Variants in SZT2 observed in about 807,000 individuals in gnomAD.
SZT2 encodes the protein SZT2 subunit of KICSTOR complex.
In SZT2, 216 loss-of-function variants were observed where a neutral mutation model predicts 404.2. That is an observed-to-expected ratio of 0.53 (90% confidence interval 0.48 to 0.60). The LOEUF is 0.60. Ranked by LOEUF, SZT2 falls within the 20% of genes least tolerant of loss-of-function variation. SZT2 has a pLI of 0.00. For missense variants in SZT2, 3,857 were observed against 4,459.2 expected (o/e 0.86, Z 3.85); for synonymous variants, 1,693 against 1,749.9 (o/e 0.97, Z 0.81).
At chr1:43,413,243 C>T (rs1290544442) in intron 4 of SZT2, among the ~76,000 whole-genome samples, 2 of 152,062 alleles carry the variant, frequency 1.3e-5, no homozygotes, top group African/African-American at 4.8e-5. Flanking sequence ...ATTAGCTGAG[C>T]GTGATGGCAG....
In SZT2 at chr1:43,442,789, A is replaced by G. The variant is rs371372227; in HGVS notation, c.8152-30A>G. 7.0e-6 allele frequency: 11 copies of G among 1,575,370 alleles called. No homozygotes were observed. Among genetic ancestry groups the G allele is most frequent in the African/African-American group, 2.7e-5 (2 of 74,366 alleles). On this transcript the variant is annotated intron_variant, in intron 58 of 71. Coordinates refer to ENST00000634258, the MANE Select transcript of SZT2 (RefSeq NM_001365999.1). The surrounding 1 kb of genome is among the most constrained non-coding windows in gnomAD (Gnocchi z 4.5). ...GAGAGAGGGTCCGAGGGCAAAGGCT[A>G]TGAACCCATTGCAATGCTCCATCTC...
chr1:43,439,743 G>A lies in SZT2; in HGVS notation c.7016G>A (p.Cys2339Tyr), dbSNP rs1414663562. 4 of 1,604,126 alleles carry A rather than the reference G, an allele frequency of 2.5e-6. No homozygotes were observed. The highest frequency in any genetic ancestry group is 3.4e-6 in the Non-Finnish European group (4 of 1,174,186). Residue 2339 changes from cysteine to tyrosine, a missense_variant, in exon 50 of 72, where the codon TGC becomes TAC. Physicochemically the swap from Cys to Tyr is radical, Grantham distance 194. Coordinates refer to ENST00000634258, the MANE Select transcript of SZT2 (RefSeq NM_001365999.1). This position sits in a 1 kb window ranked among gnomAD's most constrained non-coding sequence, Gnocchi z 4.2. ...GAGCAACTGACCCAGGTCATCCGCT[G>A]CCCGGTTGTTGTGGACAGTTCTTCA... Reference protein sequence around the residue: ...EFEQLTQVIRCPVVVDSSSAQ... With the variant: ...EFEQLTQVIRYPVVVDSSSAQ...
intron 70 of SZT2, chr1:43,449,101 C>T (rs1245498545): frequency 4.6e-6 from 1 of 217,778 alleles, no homozygotes; most frequent in Non-Finnish European, 9.2e-6. Flanking sequence ...GCCGCAGCAC[C>T]TGGGAGCTTG....
chr1:43,393,236 C>G (rs894908493), intron 1 of SZT2, among the ~76,000 whole-genome samples: 10 of 152,134 alleles, frequency 6.6e-5, no homozygotes, highest in Non-Finnish European at 1.3e-4. Context: ...CCCAGTGGAG[C>G]CTTCAGAGAA....
chr1:43,439,667 T>C lies in SZT2; in HGVS notation c.6940T>C (p.Trp2314Arg), dbSNP rs1000003861. 1 of 1,613,280 alleles carries C rather than the reference T, an allele frequency of 6.2e-7. No homozygotes were observed. Among genetic ancestry groups the C allele is most frequent in the African/African-American group, 1.3e-5 (1 of 74,898 alleles). Residue 2314 changes from tryptophan to arginine, a missense_variant, in exon 50 of 72, where the codon TGG (tryptophan) becomes CGG (arginine). Trp to Arg is a moderately radical substitution (Grantham distance 101, BLOSUM62 -3). Coordinates refer to ENST00000634258, the MANE Select transcript of SZT2 (RefSeq NM_001365999.1). The surrounding 1 kb of genome is among the most constrained non-coding windows in gnomAD (Gnocchi z 4.2). Reference protein sequence around the residue: ...EGGAPLSLALWPPSSPGPPDP... With the variant: ...EGGAPLSLALRPPSSPGPPDP... ...AGGGGCCCCCTTGTCACTGGCGTTG[T>C]GGCCCCCCTCCTCTCCGGGGCCCCC...
chr1:43,428,262 A>G lies in SZT2; in HGVS notation c.3942A>G (p.Gln1314=), dbSNP rs1233058301. 5.6e-6 allele frequency: 9 copies of G among 1,614,120 alleles called. No individual in the cohort carries two copies. Among genetic ancestry groups the G allele is most frequent in the Admixed American group, 1.7e-5 (1 of 60,012 alleles). ...CAGGGCTATTCCGCAGCTTGCAGCA[A>G]GCACAGAGTGTGACCTCCCAGGATT... ...YVRGLFRSLQ[Q]AQSVTSQDLL... is the part of the protein sequence containing the mutation. The change falls in exon 28 of 72, where the codon CAA becomes CAG. Residue 1314 remains glutamine (Q), a synonymous_variant. Coordinates refer to ENST00000634258, the MANE Select transcript of SZT2 (RefSeq NM_001365999.1).
Position 43,437,533 on chromosome 1 carries a change from A to G in SZT2, c.6290+25A>G. 6.2e-7 allele frequency: 1 copy of G among 1,614,102 alleles called. No homozygotes were observed. On this transcript the variant is annotated intron_variant, in intron 44 of 71. Transcript: ENST00000634258. The surrounding 1 kb of genome is among the most constrained non-coding windows in gnomAD (Gnocchi z 5.3). ...GGTATGTGGCCCTTGGAAGGTGGGT[A>G]GGGCATGAATTAAGGATGGCCTGGG...
Position 43,452,815 on chromosome 1 carries a change from G to A in SZT2, c.*2335G>A, listed in dbSNP as rs1193578315. ...ATTTGAATCAGCCCCACTTTGAGCC[G>A]TCCACCTCCTCCCATCATCCCCTGA... On this transcript the variant is annotated 3_prime_UTR_variant, in exon 72 of 72. Coordinates refer to ENST00000634258, the MANE Select transcript of SZT2 (RefSeq NM_001365999.1). 31 of 1,398,322 alleles carry A rather than the reference G, an allele frequency of 2.2e-5. No homozygotes were observed. The East Asian group carries it at 4.5e-4, about 20-fold the overall frequency. The allele number at this position is 1,398,322 out of a possible 1,614,324, so 86.6% of individuals were successfully genotyped here. A position where few individuals can be genotyped will look rare whatever the true frequency, so the allele number is the denominator to read the frequency against.
At position 43,394,038 on chromosome 1, in the gene SZT2, G is replaced by C. The variant is rs972117932; in HGVS notation, c.27+4043G>C. 1.4e-5 allele frequency: 14 copies of C among 981,172 alleles called. No homozygotes were observed. In the African/African-American group the frequency reaches 1.9e-4, roughly 13 times the overall value. 60.8% of individuals were successfully genotyped at this position (981,172 alleles called of 1,614,324 possible). On this transcript the variant is annotated intron_variant, in intron 1 of 71. Coordinates refer to ENST00000634258, the MANE Select transcript of SZT2 (RefSeq NM_001365999.1). ...AAACTCTACTTTGTCTTCCTTGCCA[G>C]ACTACTCTGAGAGTAATGAACTTCA... is the stretch of plus-strand genomic sequence containing the variant.
At position 43,425,868 on chromosome 1, in the gene SZT2, A is replaced by G; in HGVS notation, c.2848A>G (p.Met950Val). 6.2e-7 allele frequency: 1 copy of G among 1,614,100 alleles called. No homozygotes were observed. Among genetic ancestry groups the G allele is most frequent in the East Asian group, 2.2e-5 (1 of 44,866 alleles). ...HPRDAACIGSMLSFEYLIQLC... is the reference protein window; with the variant it reads ...HPRDAACIGSVLSFEYLIQLC... ...ACGGGATGCTGCCTGCATAGGCTCC[A>G]TGCTGAGCTTTGAATACCTGATACA... Residue 950 changes from methionine (M) to valine (V), a missense_variant, in exon 20 of 72, where the codon ATG becomes GTG. This residue lies in a region of SZT2 where 1,725 missense variants were observed against 1,881.0 expected (regional missense o/e 0.92). Transcript: ENST00000634258. This position sits in a 1 kb window ranked among gnomAD's most constrained non-coding sequence, Gnocchi z 4.3.
chr1:43,437,614 A>G lies in SZT2; in HGVS notation c.6310A>G (p.Ser2104Gly). 6.2e-7 allele frequency: 1 copy of G among 1,614,108 alleles called. No homozygotes were observed. Among genetic ancestry groups the G allele is most frequent in the Non-Finnish European group, 8.5e-7 (1 of 1,180,004 alleles). Residue 2104 changes from serine to glycine, a missense_variant, in exon 45 of 72, where the codon AGT (serine) becomes GGT (glycine). Ser to Gly is a moderately conservative substitution (Grantham distance 56). This residue lies in a region of SZT2 where 261 missense variants were observed against 372.9 expected (regional missense o/e 0.70). Coordinates refer to ENST00000634258, the MANE Select transcript of SZT2 (RefSeq NM_001365999.1). The surrounding 1 kb of genome is among the most constrained non-coding windows in gnomAD (Gnocchi z 5.3). ...YYLRLLETSC[S>G]DRPWKGDALP... ...TCCCAGGCTCCTAGAGACATCCTGC[A>G]GTGACCGGCCATGGAAAGGGGATGC...
intron 66 of SZT2, 103 bp from the exon 67 acceptor site, chr1:43,447,442 G>C (rs1488510070): frequency 6.8e-7 from 1 of 1,476,416 alleles, no homozygotes; most frequent in Non-Finnish European, 9.1e-7. Flanking sequence ...GACCCACTCT[G>C]CCTGCCAGTC....
At chr1:43,434,620 AG>A in intron 41 of SZT2, 135 bp downstream of exon 41, 1 of 801,672 alleles carries the variant, frequency 1.2e-6, no homozygotes, top group Non-Finnish European at 2.0e-6. Context: ...CCCAGTTAGT[AG>A]GATGCTGTTT....
rs756225921 is a variant in SZT2 at position 43,442,931 on chromosome 1, G to T, written c.8264G>T (p.Gly2755Val). The T allele has an allele frequency of 5.0e-6, 8 of 1,613,996 alleles. No homozygotes were observed. The highest frequency in any genetic ancestry group is 2.2e-5 in the South Asian group (2 of 91,088). ...GRLSGSSRGG[G>V]PLPLDTFPFD... ...CTGAGTGGGTCCTCTCGTGGTGGGGGTCCTCTTCCCCTGGACACATTCCCC... is the reference window on the plus strand; with the variant it reads ...CTGAGTGGGTCCTCTCGTGGTGGGGTTCCTCTTCCCCTGGACACATTCCCC... Residue 2755 changes from glycine (G) to valine (V), a missense_variant, in exon 59 of 72, where the codon GGT becomes GTT. By Grantham distance (109) the Gly-to-Val change is moderately radical. Transcript: ENST00000634258. This position sits in a 1 kb window ranked among gnomAD's most constrained non-coding sequence, Gnocchi z 4.5.
intron 1 of SZT2, among the ~76,000 whole-genome samples, chr1:43,390,807 A>G (rs565587359): frequency 4.6e-5 from 7 of 152,254 alleles, no homozygotes; most frequent in Non-Finnish European, 1.0e-4. Flanking sequence ...AGATTCGGAT[A>G]AAACACCACC....
intron 1 of SZT2, among the ~76,000 whole-genome samples, chr1:43,393,573 T>C (rs1648656061): frequency 1.3e-5 from 2 of 152,190 alleles, no homozygotes; most frequent in Non-Finnish European, 2.9e-5. Flanking sequence ...CTTTGATGTA[T>C]AGTGGTAAGA....
At chr1:43,446,565 C>G in intron 65 of SZT2, 149 bp downstream of exon 65, 1 of 920,160 alleles carries the variant, frequency 1.1e-6, no homozygotes, top group Non-Finnish European at 1.7e-6. Flanking sequence ...TAGGTCAGTG[C>G]TCATTCTGGT....
intron 13 of SZT2, 39 bp downstream of exon 13, chr1:43,422,671 C>G (rs750121311): frequency 1.1e-6 from 1 of 901,618 alleles, no homozygotes; most frequent in African/African-American, 1.8e-5. Context: ...CGCCCCCCCA[C>G]CCCCCCGCCA....
intron 7 of SZT2, 93 bp from the exon 8 acceptor site, chr1:43,419,641 G>A: frequency 9.6e-7 from 1 of 1,045,226 alleles, no homozygotes. Context: ...CCAGGGAATG[G>A]GAGCAGCCAC....
Sources: allele counts gnomAD v4.1 joint callset (sites outside exome capture counted in the v4.1 genomes callset), GRCh38; gene constraint gnomAD v4.1.1; regional missense constraint gnomAD v4.1.1; non-coding constraint Gnocchi (gnomAD v3.1); transcripts MANE v1.5; gene names NCBI Gene and HGNC (gene_info 2026-07-23, HGNC 2026-07-21).